STIM2: variants seen among roughly 807,000 people sequenced by gnomAD.
STIM2 encodes the protein stromal interaction molecule 2.
STIM2 carries 31 observed loss-of-function variants against 85.8 expected under a neutral mutation model. The observed-to-expected ratio is 0.36, with a 90% CI of 0.27 to 0.49. The LOEUF is 0.49. Among genes scored for constraint, STIM2 ranks in the 20% least tolerant of loss-of-function variants. The probability of loss-of-function intolerance (pLI) is 0.98; values close to 1 mark genes in which losing one functional copy is unlikely to be tolerated. For synonymous variants in STIM2, 356 were observed against 331.1 expected (o/e 1.08, Z -0.82); for missense variants, 841 against 927.6 (o/e 0.91, Z 1.21).
chr4:26,931,875 G>T (rs1725218845), intron 2 of STIM2, among the ~76,000 whole-genome samples: 1 of 152,194 alleles, frequency 6.6e-6, no homozygotes, highest in Non-Finnish European at 1.5e-5. Context: ...CACAATTAAA[G>T]TAGCAGAGAA....
chr4:26,864,578 A>G (rs1309367408), intron 1 of STIM2, among the ~76,000 whole-genome samples: 3 of 152,124 alleles, frequency 2.0e-5, no homozygotes, highest in Non-Finnish European at 4.4e-5. Context: ...TTTAACTGAA[A>G]ATATTTGCCT....
intron 3 of STIM2, among the ~76,000 whole-genome samples, chr4:26,985,012 C>T (rs1415641553): frequency 6.6e-6 from 1 of 152,080 alleles, no homozygotes; most frequent in Non-Finnish European, 1.5e-5. Flanking sequence ...TTTAGGTATC[C>T]AAATATAGCA....
At chr4:26,982,775 C>CT (rs905174478) in intron 3 of STIM2, among the ~76,000 whole-genome samples, 115 of 151,588 alleles carry the variant, frequency 7.6e-4, no homozygotes, top group East Asian at 3.9e-4. Flanking sequence ...CCTTATATTT[C>CT]TTTTTTTTTA....
chr4:26,878,599 C>T (rs1229073428), intron 1 of STIM2, among the ~76,000 whole-genome samples: 1 of 152,050 alleles, frequency 6.6e-6, no homozygotes, highest in Non-Finnish European at 1.5e-5. Context: ...TTTTCTTTTC[C>T]TTCCAGGTTT....
intron 1 of STIM2, among the ~76,000 whole-genome samples, chr4:26,885,958 A>T (rs959242723): frequency 1.3e-5 from 2 of 150,382 alleles, no homozygotes; most frequent in East Asian, 3.9e-4. Context: ...AAAATTACAT[A>T]TAAACCTTAT....
At chr4:26,888,224 T>C (rs1723332402) in intron 1 of STIM2, among the ~76,000 whole-genome samples, 1 of 152,166 alleles carries the variant, frequency 6.6e-6, no homozygotes, top group Non-Finnish European at 1.5e-5. Context: ...CCCATACACA[T>C]CTTCTTAAAT....
intron 7 of STIM2, 34 bp from the exon 8 acceptor site, chr4:27,007,499 C>A: frequency 7.1e-7 from 1 of 1,416,396 alleles, no homozygotes; most frequent in Non-Finnish European, 9.4e-7. Flanking sequence ...TCCTCCCTCT[C>A]TCCTTTCTTG....
At chr4:26,943,241 G>A (rs926921252) in intron 2 of STIM2, among the ~76,000 whole-genome samples, 1 of 151,710 alleles carries the variant, frequency 6.6e-6, no homozygotes, top group African/African-American at 2.4e-5. Flanking sequence ...TCAATTATTT[G>A]GTTTCCTGTT....
At chr4:26,862,436 C>T (rs1298568040) in intron 1 of STIM2, among the ~76,000 whole-genome samples, 1 of 151,384 alleles carries the variant, frequency 6.6e-6, no homozygotes, top group South Asian at 2.1e-4. Context: ...TTAATTTAAC[C>T]AAAATGATAG....
chr4:26,893,066 C>T (rs1723555344), intron 1 of STIM2, among the ~76,000 whole-genome samples: 1 of 152,134 alleles, frequency 6.6e-6, no homozygotes. Flanking sequence ...AATCACTACC[C>T]CTGCATCCTT....
At chr4:26,910,683 G>T (rs1373970400) in intron 1 of STIM2, among the ~76,000 whole-genome samples, 3 of 152,134 alleles carry the variant, frequency 2.0e-5, no homozygotes, top group African/African-American at 7.2e-5. Flanking sequence ...TATAAGTGTA[G>T]ATACTTTTTG....
intron 1 of STIM2, among the ~76,000 whole-genome samples, chr4:26,865,107 A>C (rs770591333): frequency 7.2e-5 from 11 of 152,140 alleles, no homozygotes; most frequent in Non-Finnish European, 1.2e-4. Context: ...GAACTTCCTA[A>C]AGCCATCATT....
At chr4:26,942,069 T>C (rs1479577104) in intron 2 of STIM2, among the ~76,000 whole-genome samples, 2 of 152,212 alleles carry the variant, frequency 1.3e-5, no homozygotes, top group African/African-American at 4.8e-5. Context: ...TTTAAAATCT[T>C]ATCCCAGCAA....
At chr4:26,961,959 A>C (rs767402245) in intron 3 of STIM2, among the ~76,000 whole-genome samples, 2 of 151,946 alleles carry the variant, frequency 1.3e-5, no homozygotes, top group Non-Finnish European at 2.9e-5. Context: ...CTATGTTGCC[A>C]AGTCTTGTCT....
At chr4:26,982,341 T>C (rs1463986116) in intron 3 of STIM2, among the ~76,000 whole-genome samples, 1 of 152,222 alleles carries the variant, frequency 6.6e-6, no homozygotes, top group Non-Finnish European at 1.5e-5. Context: ...AGTTTGTTAC[T>C]ATTATGATTT....
chr4:26,879,287 T>A (rs1417946403), intron 1 of STIM2, among the ~76,000 whole-genome samples: 1 of 152,152 alleles, frequency 6.6e-6, no homozygotes, highest in East Asian at 1.9e-4. Context: ...ATTTCATGGT[T>A]TCACTTAGTT....
chr4:26,927,548 G>A (rs1420802315), intron 2 of STIM2, among the ~76,000 whole-genome samples: 3 of 63,834 alleles, frequency 4.7e-5, no homozygotes, highest in Admixed American at 2.1e-4. Flanking sequence ...GGGGAGGGGG[G>A]AGGGATAGCA....
At chr4:27,018,674 A>G (rs1051849410) in intron 11 of STIM2, among the ~76,000 whole-genome samples, 2 of 152,206 alleles carry the variant, frequency 1.3e-5, no homozygotes, top group African/African-American at 2.4e-5. Flanking sequence ...AATTCTGCCT[A>G]CCACAGACAT....
At position 26,861,126 on chromosome 4, in the gene STIM2, C is replaced by A; in HGVS notation, c.-93C>A. 2 of 1,231,096 alleles carry A rather than the reference C, an allele frequency of 1.6e-6. No individual in the cohort carries two copies. The highest frequency in any genetic ancestry group is 2.0e-6 in the Non-Finnish European group (2 of 986,046). 76.3% of individuals were successfully genotyped at this position (1,231,096 alleles called of 1,614,324 possible). On this transcript the variant is annotated 5_prime_UTR_variant, in exon 1 of 12. Transcript: ENST00000467087. ...GCTGCAGGCGGCCGGGGCGCCGCTG[C>A]GCTTTCACCCGGCTTCTCCTCGGCG...
Sources: allele counts gnomAD v4.1 joint callset (sites outside exome capture counted in the v4.1 genomes callset), GRCh38; gene constraint gnomAD v4.1.1; transcripts MANE v1.5; gene names NCBI Gene and HGNC (gene_info 2026-07-23, HGNC 2026-07-21).